BRINP3: variants seen among roughly 807,000 people sequenced by gnomAD.
BRINP3 encodes the protein BMP/retinoic acid-inducible neural-specific protein 3.
Under a neutral mutation model 71.0 loss-of-function variants are expected in BRINP3, and 19 were observed. The observed-to-expected ratio is 0.27, with a 90% confidence interval of 0.19 to 0.39. The LOEUF (loss-of-function observed/expected upper bound fraction) is 0.39, where lower values mean the gene tolerates loss of function less well. Ranked by LOEUF, BRINP3 falls within the 10% of genes least tolerant of loss-of-function variation. The probability of loss-of-function intolerance (pLI) is 1.00; values close to 1 mark genes in which losing one functional copy is unlikely to be tolerated. For missense variants in BRINP3, 959 were observed against 940.8 expected (o/e 1.02, Z -0.25); for synonymous variants, 380 against 337.7 (o/e 1.13, Z -1.37).
rs1464503826 is a variant in BRINP3, at chr1:190,248,969, C to T, written c.619-14492G>A. Reference sequence around the variant, plus strand: ...AATTTTCAAGAATTTTCCCTATCAGCTATATTTCTTTAGAGGCTTATAGTG... The same window carrying T: ...AATTTTCAAGAATTTTCCCTATCAGTTATATTTCTTTAGAGGCTTATAGTG... On this transcript the variant is annotated intron_variant, in intron 4 of 7. Transcript: ENST00000367462. Among the ~76,000 whole-genome samples, 4 of 151,868 alleles carry T rather than the reference C, an allele frequency of 2.6e-5. No individual in the cohort carries two copies. The East Asian group carries it at 7.8e-4, about 29-fold the overall frequency.
intron 3 of BRINP3, among the ~76,000 whole-genome samples, chr1:190,274,000 A>G (rs1453378285): frequency 6.6e-6 from 1 of 151,648 alleles, no homozygotes; most frequent in Non-Finnish European, 1.5e-5. Context: ...TGATATTAGA[A>G]GGAAGGAGAA....
intron 1 of BRINP3, among the ~76,000 whole-genome samples, chr1:190,455,280 A>T (rs144730914): frequency 3.9e-5 from 6 of 152,150 alleles, no homozygotes; most frequent in Non-Finnish European, 8.8e-5. Context: ...AAGTTCAAGT[A>T]TTTCATATAT....
chr1:190,324,260 G>A (rs1173356518), intron 2 of BRINP3, among the ~76,000 whole-genome samples: 1 of 151,896 alleles, frequency 6.6e-6, no homozygotes, highest in East Asian at 1.9e-4. Context: ...TGAGAAAGAG[G>A]ACTTAAAAAT....
At chr1:190,262,125 A>G (rs1178586213) in intron 4 of BRINP3, among the ~76,000 whole-genome samples, 1 of 152,156 alleles carries the variant, frequency 6.6e-6, no homozygotes, top group African/African-American at 2.4e-5. Context: ...TGTTCATGTA[A>G]CTCAGAGCTG....
intron 1 of BRINP3, among the ~76,000 whole-genome samples, chr1:190,477,107 G>C (rs1343668890): frequency 6.6e-6 from 1 of 152,152 alleles, no homozygotes; most frequent in Non-Finnish European, 1.5e-5. Context: ...CCTATAAAAT[G>C]TGACATTTCA....
At chr1:190,370,360 C>G (rs990268656) in intron 2 of BRINP3, among the ~76,000 whole-genome samples, 1 of 151,758 alleles carries the variant, frequency 6.6e-6, no homozygotes, top group African/African-American at 2.4e-5. Context: ...ATTTGAAAAC[C>G]TAGATAAATG....
At chr1:190,247,840 A>G (rs991937880) in intron 4 of BRINP3, among the ~76,000 whole-genome samples, 1 of 151,950 alleles carries the variant, frequency 6.6e-6, no homozygotes, top group African/African-American at 2.4e-5. Context: ...TTTAAAAAAT[A>G]AATTACCTAC....
chr1:190,132,351 C>T (rs1571791307), intron 7 of BRINP3, among the ~76,000 whole-genome samples: 1 of 152,082 alleles, frequency 6.6e-6, no homozygotes, highest in East Asian at 1.9e-4. Context: ...TCATGTTATG[C>T]CATTACAATT....
chr1:190,267,988 T>C (rs1217464466), intron 3 of BRINP3, among the ~76,000 whole-genome samples: 3 of 152,096 alleles, frequency 2.0e-5, no homozygotes, highest in African/African-American at 4.8e-5. Flanking sequence ...TCATATACAA[T>C]ATATTTTACA....
At chr1:190,319,706 T>C in intron 2 of BRINP3, among the ~76,000 whole-genome samples, 1 of 151,898 alleles carries the variant, frequency 6.6e-6, no homozygotes, top group Non-Finnish European at 1.5e-5. Context: ...GAACTCACTA[T>C]CACAACAACA....
intron 6 of BRINP3, among the ~76,000 whole-genome samples, chr1:190,200,701 G>T (rs1239060067): frequency 6.6e-6 from 1 of 152,030 alleles, no homozygotes; most frequent in Non-Finnish European, 1.5e-5. Flanking sequence ...GGTAGGAGAT[G>T]ATTGAATCAT....
chr1:190,221,146 AG>A (rs1205311457), intron 6 of BRINP3, among the ~76,000 whole-genome samples: 10 of 152,118 alleles, frequency 6.6e-5, no homozygotes, highest in African/African-American at 2.4e-4. Flanking sequence ...TGAACCCGGG[AG>A]GCAGAGGTTG....
chr1:190,263,331 C>T (rs1661356597), intron 4 of BRINP3, among the ~76,000 whole-genome samples: 1 of 152,072 alleles, frequency 6.6e-6, no homozygotes, highest in Non-Finnish European at 1.5e-5. Context: ...ACTTGTTACT[C>T]AATATAACAT....
chr1:190,443,315 G>C (rs1300630683), intron 2 of BRINP3, among the ~76,000 whole-genome samples: 1 of 151,370 alleles, frequency 6.6e-6, no homozygotes, highest in Non-Finnish European at 1.5e-5. Flanking sequence ...TGAGGCAGGA[G>C]AATGGCGTGA....
chr1:190,100,130 G>C (rs1050139025), intron 7 of BRINP3, among the ~76,000 whole-genome samples: 1 of 152,102 alleles, frequency 6.6e-6, no homozygotes, highest in African/African-American at 2.4e-5. Flanking sequence ...TTGAGATTTT[G>C]TGAGAAATAA....
At chr1:190,236,242 G>A (rs554494035) in intron 4 of BRINP3, among the ~76,000 whole-genome samples, 1 of 152,094 alleles carries the variant, frequency 6.6e-6, no homozygotes, top group Admixed American at 6.6e-5. Context: ...GAGGTTTCCA[G>A]TATTAGTGAT....
chr1:190,203,477 G>GTA lies in BRINP3; in HGVS notation c.961+22604_961+22605insTA, dbSNP rs1419268045. The stretch of plus-strand genomic sequence containing the variant: ...TATATATATATGTGTGTGTGTGTGT[G>GTA]TGTATATATATATATACATATATCT... On this transcript the variant is annotated intron_variant, in intron 6 of 7. Coordinates refer to ENST00000367462, the MANE Select transcript of BRINP3 (RefSeq NM_199051.3). Among the ~76,000 whole-genome samples the GTA allele has an allele frequency of 1.6e-3, 239 of 147,476 alleles. 1 individual carries two copies. The highest frequency in any genetic ancestry group is 2.5e-3 in the Non-Finnish European group (166 of 67,078).
chr1:190,349,616 A>G (rs1299949034), intron 2 of BRINP3, among the ~76,000 whole-genome samples: 2 of 152,140 alleles, frequency 1.3e-5, no homozygotes, highest in African/African-American at 4.8e-5. Flanking sequence ...ATTAGAATTT[A>G]TAACAGCACA....
chr1:190,347,093 T>C (rs1309715501), intron 2 of BRINP3, among the ~76,000 whole-genome samples: 1 of 152,116 alleles, frequency 6.6e-6, no homozygotes, highest in Admixed American at 6.6e-5. Context: ...ATAATAGCTA[T>C]CATTTGAGTG....
Sources: allele counts gnomAD v4.1 joint callset (sites outside exome capture counted in the v4.1 genomes callset), GRCh38; gene constraint gnomAD v4.1.1; transcripts MANE v1.5; gene names NCBI Gene and HGNC (gene_info 2026-07-23, HGNC 2026-07-21).